The following GPR161 variants were observed in gnomAD, a reference collection of about 807,000 sequenced individuals.
GPR161 encodes G-protein coupled receptor RE2.
In GPR161, 25 loss-of-function variants were observed where a neutral mutation model predicts 39.2. That is an observed-to-expected ratio of 0.64 (90% CI 0.47 to 0.89). The LOEUF (loss-of-function observed/expected upper bound fraction) is 0.89. Among genes scored for constraint, GPR161 ranks in the 40% least tolerant of loss-of-function variants. GPR161 has a pLI of 0.00. For missense variants in GPR161, 547 were observed against 677.8 expected (o/e 0.81, Z 2.14); for synonymous variants, 286 against 276.6 (o/e 1.03, Z -0.34).
In GPR161 at chr1:168,136,797, ACCG is replaced by A; in HGVS notation, c.-106_-104del. The A allele has an allele frequency of 1.0e-6, 1 of 982,370 alleles. No homozygotes were observed. The highest frequency in any genetic ancestry group is 1.2e-6 in the Non-Finnish European group (1 of 829,378). The allele number at this position is 982,370 out of a possible 1,614,324, so 60.9% of individuals were successfully genotyped here. On this transcript the variant is annotated 5_prime_UTR_variant, in exon 1 of 6. Transcript: ENST00000682931. ...GCCCAGCCGCCTCCCCGCCTCGGCC[ACCG>A]CCGCCGCCGCTTCCTTCCTCCCCGC...
At chr1:168,094,992 C>T (rs1695391548) in intron 3 of GPR161, among the ~76,000 whole-genome samples, 5 of 152,186 alleles carry the variant, frequency 3.3e-5, no homozygotes, top group Admixed American at 3.3e-4. Context: ...CTGACAGGCA[C>T]CACCTTAACC....
rs554963364 is a variant in GPR161, at chr1:168,135,784, C to T, written c.-45+955G>A. On this transcript the variant is annotated intron_variant, in intron 1 of 5. Transcript: ENST00000682931. ...GGAGGTTATCGGTGTCTCCATTGGA[C>T]AATCAAGGAACTGAGGTTCTTTCCC... is the stretch of plus-strand genomic sequence containing the variant. Among the ~76,000 whole-genome samples the T allele has an allele frequency of 2.0e-5, 3 of 152,340 alleles. No individual in the cohort carries two copies. The East Asian group carries it at 5.8e-4, about 29-fold the overall frequency.
At chr1:168,114,435 G>A (rs1168563546) in intron 1 of GPR161, 2 of 152,116 alleles carry the variant, frequency 1.3e-5, no homozygotes, top group Admixed American at 1.3e-4. Context: ...ACAAAAATTA[G>A]CCAGGTGTAG....
chr1:168,106,267 C>T (rs1401757126), intron 1 of GPR161, among the ~76,000 whole-genome samples: 1 of 152,164 alleles, frequency 6.6e-6, no homozygotes, highest in Non-Finnish European at 1.5e-5. Flanking sequence ...AGAATAATCC[C>T]CTTCTACTAT....
Position 168,085,762 on chromosome 1 carries a change from A to G in GPR161, c.1359T>C (p.Ala453=), listed in dbSNP as rs1267614479. ...AACTGTCCAAGGACTTGTGTACTTCAGCTTTCACATGAAGAATCGAGTTCT... is the reference window on the plus strand; with the variant it reads ...AACTGTCCAAGGACTTGTGTACTTCGGCTTTCACATGAAGAATCGAGTTCT... ...AAKNSILHVK[A]EVHKSLDSYA... Residue 453 remains alanine (A), a synonymous_variant, in exon 6 of 6, where the codon GCT becomes GCC. Transcript: ENST00000682931. 6.2e-7 allele frequency: 1 copy of G among 1,613,750 alleles called. No homozygotes were observed. The highest frequency in any genetic ancestry group is 2.2e-5 in the East Asian group (1 of 44,884).
At position 168,082,853 on chromosome 1, in the gene GPR161, G is replaced by C. The variant is rs1315744303; in HGVS notation, c.*2678C>G. The C allele has an allele frequency of 6.6e-6, 1 of 152,236 alleles. No individual in the cohort carries two copies. The highest frequency in any genetic ancestry group is 1.5e-5 in the Non-Finnish European group (1 of 68,098). 9.4% of individuals were successfully genotyped at this position (152,236 alleles called of 1,614,324 possible). On this transcript the variant is annotated 3_prime_UTR_variant, in exon 6 of 6. Coordinates refer to ENST00000682931, the MANE Select transcript of GPR161 (RefSeq NM_001375883.1). ...CAGATATCCTCAGAAATGCTCTCAG[G>C]AACTTCAAAATGTGTGAAAATTCTC... is the stretch of plus-strand genomic sequence containing the variant.
intron 1 of GPR161, among the ~76,000 whole-genome samples, chr1:168,118,213 G>A (rs1003120896): frequency 5.3e-5 from 8 of 152,142 alleles, no homozygotes; most frequent in Admixed American, 6.5e-5. Flanking sequence ...CCCACAGATC[G>A]GGTGAAAATA....
At position 168,119,195 on chromosome 1, in the gene GPR161, C is replaced by CATAT. The variant is rs3063902; in HGVS notation, c.-44-14305_-44-14302dup. Among the ~76,000 whole-genome samples the CATAT allele has an allele frequency of 3.1e-3, 341 of 109,596 alleles. 32 individuals are homozygous for CATAT. Among genetic ancestry groups the CATAT allele is most frequent in the African/African-American group, 0.013 (298 of 23,450 alleles). 71.9% of individuals were successfully genotyped at this position (109,596 alleles called of 152,430 possible). On this transcript the variant is annotated intron_variant, in intron 1 of 5. Transcript: ENST00000682931. ...ATGTAGAAGCAACCCAAATCTCCAT[C>CATAT]ATATATATATATATGTATACATATA...
At position 168,080,201 on chromosome 1, in the gene GPR161, TATCTCCCA is replaced by T. The variant is rs769059125; in HGVS notation, c.*5322_*5329del. ...TTTAGGTCTGGCCAGCAGATATTAA[TATCTCCCA>T]AGATCCTTGGTTTATAATAGTTCTA... On this transcript the variant is annotated 3_prime_UTR_variant, in exon 6 of 6. Coordinates refer to ENST00000682931, the MANE Select transcript of GPR161 (RefSeq NM_001375883.1). 4 of 152,198 alleles carry T rather than the reference TATCTCCCA, an allele frequency of 2.6e-5. No homozygotes were observed. The highest frequency in any genetic ancestry group is 4.4e-5 in the Non-Finnish European group (3 of 68,032). The allele number at this position is 152,198 out of a possible 1,614,324, so 9.4% of individuals were successfully genotyped here.
chr1:168,087,677 TA>T lies in GPR161; in HGVS notation c.1231del (p.Tyr411ThrfsTer21). The T allele has an allele frequency of 6.2e-7, 1 of 1,613,818 alleles. No individual in the cohort carries two copies. The highest frequency in any genetic ancestry group is 8.5e-7 in the Non-Finnish European group (1 of 1,179,848). ...AGAGGGAGGGTTGTCATCAGACGTG[TA>T]GTCCTCAAGCAGCATCATATCTGTC... is the stretch of plus-strand genomic sequence containing the variant. ...SGTDMMLLED[Y>X]TSDDNPPSHC... On this transcript the variant is annotated frameshift_variant, in exon 5 of 6. Coordinates refer to ENST00000682931, the MANE Select transcript of GPR161 (RefSeq NM_001375883.1). LOFTEE classifies it high-confidence loss of function.
Position 168,115,878 on chromosome 1 carries a change from C to A in GPR161, c.-44-10984G>T, listed in dbSNP as rs547748573. On this transcript the variant is annotated intron_variant, in intron 1 of 5. Coordinates refer to ENST00000682931, the MANE Select transcript of GPR161 (RefSeq NM_001375883.1). ...GCAAGCTCCACCTCCCGGGTTCACG[C>A]CATTCTCCTGCCTCAGCCTCCCGAG... 3.7e-4 allele frequency among the ~76,000 whole-genome samples: 56 copies of A among 152,060 alleles called. 1 individual carries two copies. Among genetic ancestry groups the A allele is most frequent in the African/African-American group, 1.3e-3 (54 of 41,478 alleles).
At chr1:168,105,395 C>T (rs1696511816) in intron 1 of GPR161, among the ~76,000 whole-genome samples, 1 of 152,190 alleles carries the variant, frequency 6.6e-6, no homozygotes, top group African/African-American at 2.4e-5. Flanking sequence ...CCAGCAGGAT[C>T]ACCATCACCT....
chr1:168,088,704 G>A (rs964267613), intron 4 of GPR161: 11 of 152,256 alleles, frequency 7.2e-5, no homozygotes, highest in African/African-American at 9.7e-5. Flanking sequence ...ACACAGCAGG[G>A]GCTAAATTGA....
intron 1 of GPR161, among the ~76,000 whole-genome samples, chr1:168,130,159 T>C (rs948533219): frequency 2.6e-5 from 4 of 152,192 alleles, no homozygotes; most frequent in African/African-American, 9.6e-5. Context: ...TTTCTTCCTT[T>C]CTCATCTACA....
intron 1 of GPR161, among the ~76,000 whole-genome samples, chr1:168,105,803 A>G (rs1361496448): frequency 1.3e-5 from 2 of 152,184 alleles, no homozygotes; most frequent in African/African-American, 2.4e-5. Flanking sequence ...AACTCTTCAT[A>G]TACTTCAGTT....
chr1:168,131,307 C>CAGAATAGCATTTGCAAATACCCTCT (rs1698974444), intron 1 of GPR161, among the ~76,000 whole-genome samples: 1 of 151,940 alleles, frequency 6.6e-6, no homozygotes, highest in African/African-American at 2.4e-5. Context: ...TATTCCCTGC[C>CAGAATAGCATTTGCAAATACCCTCT]ACCTGCAGAA....
chr1:168,123,579 CTT>C (rs1249401272), intron 1 of GPR161, among the ~76,000 whole-genome samples: 90 of 147,864 alleles, frequency 6.1e-4, no homozygotes, highest in African/African-American at 2.0e-3. Flanking sequence ...CACACACACA[CTT>C]GTTTGCATGG....
intron 1 of GPR161, among the ~76,000 whole-genome samples, chr1:168,134,606 C>T (rs1483968015): frequency 6.6e-6 from 1 of 152,110 alleles, no homozygotes; most frequent in Non-Finnish European, 1.5e-5. Context: ...ACACAGAAGA[C>T]GCAAGCAGCC....
intron 1 of GPR161, 159 bp downstream of exon 1, chr1:168,136,577 ACCT>A: frequency 8.1e-7 from 1 of 1,238,178 alleles, no homozygotes; most frequent in Non-Finnish European, 1.0e-6. Context: ...GACAGCCCTG[ACCT>A]CCGAGAGGGG....
Sources: allele counts gnomAD v4.1 joint callset (sites outside exome capture counted in the v4.1 genomes callset), GRCh38; gene constraint gnomAD v4.1.1; transcripts MANE v1.5; gene names NCBI Gene and HGNC (gene_info 2026-07-23, HGNC 2026-07-21).